Variants in LRP1B observed in about 807,000 individuals in gnomAD.
LRP1B encodes the protein low-density lipoprotein receptor-related protein 1B.
Under a neutral mutation model 556.6 loss-of-function variants are expected in LRP1B, and 217 were observed. The observed-to-expected ratio is 0.39, with a 90% confidence interval of 0.35 to 0.44. The LOEUF (loss-of-function observed/expected upper bound fraction) is 0.44. Ranked by LOEUF, LRP1B falls within the 20% of genes least tolerant of loss-of-function variation. The pLI, the probability that LRP1B is intolerant of heterozygous loss-of-function variation, is 1.00. For missense variants in LRP1B, 5,053 were observed against 5,620.8 expected, an observed-to-expected ratio of 0.90 and a Z score of 3.23; for synonymous variants, 2,047 against 1,865.8, an observed-to-expected ratio of 1.10 and a Z score of -2.50.
intron 7 of LRP1B, among the ~76,000 whole-genome samples, chr2:141,161,830 G>T (rs1024053841): frequency 5.3e-5 from 8 of 152,122 alleles, no homozygotes; most frequent in Middle Eastern, 6.8e-3. Context: ...GCACCCACCT[G>T]TGTCTACCCC....
intron 2 of LRP1B, among the ~76,000 whole-genome samples, chr2:141,531,425 T>C (rs1684867444): frequency 6.6e-6 from 1 of 152,120 alleles, no homozygotes; most frequent in South Asian, 2.1e-4. Context: ...TCAAATTATA[T>C]TACTACAGGC....
At chr2:141,996,305 C>T (rs1031775204) in intron 1 of LRP1B, among the ~76,000 whole-genome samples, 5 of 151,928 alleles carry the variant, frequency 3.3e-5, no homozygotes, top group African/African-American at 1.2e-4. Flanking sequence ...AGCCGAATGA[C>T]ATAGGTGTGA....
intron 32 of LRP1B, among the ~76,000 whole-genome samples, chr2:140,778,327 A>T (rs978797662): frequency 1.3e-5 from 2 of 152,214 alleles, no homozygotes. Context: ...GGAATATAAA[A>T]ACTGTCATAT....
intron 7 of LRP1B, among the ~76,000 whole-genome samples, chr2:141,069,346 G>A (rs1156716793): frequency 6.6e-6 from 1 of 152,034 alleles, no homozygotes; most frequent in Non-Finnish European, 1.5e-5. Context: ...GAAATAGAAA[G>A]ATTTGTACAT....
chr2:140,412,692 C>A (rs1175933371), intron 66 of LRP1B, among the ~76,000 whole-genome samples: 1 of 151,924 alleles, frequency 6.6e-6, no homozygotes, highest in South Asian at 2.1e-4. Flanking sequence ...CTTTTTACAT[C>A]TAATAAAACT....
intron 1 of LRP1B, among the ~76,000 whole-genome samples, chr2:142,070,764 A>T (rs891112820): frequency 6.6e-6 from 1 of 151,946 alleles, no homozygotes; most frequent in East Asian, 1.9e-4. Flanking sequence ...TCATTTCCTT[A>T]TGAAGGATTA....
chr2:140,793,606 G>T (rs1320294607), intron 32 of LRP1B, among the ~76,000 whole-genome samples: 1 of 151,856 alleles, frequency 6.6e-6, no homozygotes, highest in Non-Finnish European at 1.5e-5. Flanking sequence ...TGTCACAAAT[G>T]AATGATCTTT....
At chr2:141,772,175 C>T (rs1694922718) in intron 2 of LRP1B, among the ~76,000 whole-genome samples, 1 of 152,124 alleles carries the variant, frequency 6.6e-6, no homozygotes, top group African/African-American at 2.4e-5. Context: ...AGAGGGCTTT[C>T]ACTCAACACT....
At chr2:140,595,296 T>TA (rs1408750294) in intron 43 of LRP1B, among the ~76,000 whole-genome samples, 2 of 151,702 alleles carry the variant, frequency 1.3e-5, no homozygotes, top group Admixed American at 1.3e-4. Context: ...TGTGTTAGAT[T>TA]ATCTGCTCTT....
chr2:140,474,992 T>C (rs1326112379), intron 60 of LRP1B, 146 bp downstream of exon 60: 1 of 308,602 alleles, frequency 3.2e-6, no homozygotes, highest in Non-Finnish European at 5.6e-6. Flanking sequence ...AATTCTAATT[T>C]ACCAATATTT....
intron 2 of LRP1B, among the ~76,000 whole-genome samples, chr2:141,612,117 A>G (rs995731442): frequency 1.3e-5 from 2 of 152,238 alleles, no homozygotes; most frequent in African/African-American, 4.8e-5. Context: ...TATCCCCCAA[A>G]TAAAGCTTCA....
At chr2:140,302,007 T>A (rs574642492) in intron 83 of LRP1B, among the ~76,000 whole-genome samples, 1 of 152,048 alleles carries the variant, frequency 6.6e-6, no homozygotes, top group African/African-American at 2.4e-5. Context: ...TCAACCATTA[T>A]CTTCTTCAAA....
At chr2:141,385,713 C>T (rs1399791511) in intron 3 of LRP1B, among the ~76,000 whole-genome samples, 1 of 152,088 alleles carries the variant, frequency 6.6e-6, no homozygotes, top group African/African-American at 2.4e-5. Flanking sequence ...TTCCTATTCC[C>T]TCAACTGCTT....
At chr2:140,433,637 A>G (rs780262731) in intron 66 of LRP1B, among the ~76,000 whole-genome samples, 31 of 152,190 alleles carry the variant, frequency 2.0e-4, no homozygotes, top group Non-Finnish European at 4.1e-4. Flanking sequence ...ATTATTGTAC[A>G]TAGGCACATA....
In LRP1B at chr2:140,887,875, G is replaced by A. The variant is rs1032073555; in HGVS notation, c.3767-1540C>T. Among the ~76,000 whole-genome samples, 18 of 152,256 alleles carry A rather than the reference G, an allele frequency of 1.2e-4. No homozygotes were observed. In the East Asian group the frequency reaches 3.5e-3, roughly 29 times the overall value. On this transcript the variant is annotated intron_variant, in intron 23 of 90. Transcript: ENST00000389484. ...TTTAGTGGTAGAAAATAGATCAGTG[G>A]TTTCTAGGGCCGAGGGTAGGTATTA...
In LRP1B at chr2:140,526,237, T is replaced by A. The variant is rs1690428412; in HGVS notation, c.7876A>T (p.Asn2626Tyr). Residue 2626 changes from asparagine to tyrosine, a missense_variant and splice_region_variant, in exon 48 of 91, where the codon AAT (asparagine) becomes TAT (tyrosine). Transcript: ENST00000389484. The stretch of plus-strand genomic sequence containing the variant: ...GACAAAAGGTAGTGGAATATCTTAC[T>A]GCAGTTCTTTTCATCTGAAGCATCT... Reference protein sequence around the residue: ...CADASDEKNCNNTDCTHFYKL... With the variant: ...CADASDEKNCYNTDCTHFYKL... 1 of 1,610,136 alleles carries A rather than the reference T, an allele frequency of 6.2e-7. No individual in the cohort carries two copies. The highest frequency in any genetic ancestry group is 1.7e-5 in the Admixed American group (1 of 59,754).
Position 140,662,660 on chromosome 2 carries a change from G to T in LRP1B, c.6799+37590C>A, listed in dbSNP as rs780585517. Among the ~76,000 whole-genome samples the T allele has an allele frequency of 1.1e-3, 169 of 152,068 alleles. 3 individuals carry two copies. The highest frequency in any genetic ancestry group is 4.6e-4 in the Non-Finnish European group (31 of 67,974). The stretch of plus-strand genomic sequence containing the variant: ...ATATAATTCCTTGCACAAATAGAAA[G>T]AATTAAATAAGAATGACTCTGAAAA... On this transcript the variant is annotated intron_variant, in intron 41 of 90. Transcript: ENST00000389484.
At chr2:142,129,038 C>T (rs759286993) in intron 1 of LRP1B, among the ~76,000 whole-genome samples, 2 of 152,156 alleles carry the variant, frequency 1.3e-5, no homozygotes, top group African/African-American at 2.4e-5. Flanking sequence ...TCAGGAAGAG[C>T]CCAATAGCAG....
intron 2 of LRP1B, among the ~76,000 whole-genome samples, chr2:141,744,871 A>T (rs1299676365): frequency 6.6e-6 from 1 of 152,190 alleles, no homozygotes; most frequent in South Asian, 2.1e-4. Context: ...GCACTTGGGT[A>T]TTGTGATCTA....
Sources: gnomAD v4.1 joint callset for allele counts (sites outside exome capture counted in the v4.1 genomes callset) on GRCh38, gnomAD v4.1.1 for gene constraint, MANE v1.5 for transcripts, NCBI Gene and HGNC (gene_info 2026-07-23, HGNC 2026-07-21) for gene names.